Variants in DISP1 observed in about 807,000 individuals in gnomAD.
The protein encoded by DISP1 is protein dispatched homolog 1.
DISP1 carries 30 observed loss-of-function variants against 37.3 expected under a neutral mutation model. The observed-to-expected ratio is 0.80, with a 90% confidence interval of 0.60 to 1.09. DISP1 has a LOEUF of 1.09. DISP1 is among the 50% of genes least tolerant of loss of function. DISP1 has a pLI of 0.00. For synonymous variants in DISP1, 634 were observed against 690.2 expected (o/e 0.92, Z 1.28); for missense variants, 1,598 against 1,879.5 (o/e 0.85, Z 2.77).
At chr1:222,873,331 T>C (rs1427564143) in intron 1 of DISP1, among the ~76,000 whole-genome samples, 1 of 152,220 alleles carries the variant, frequency 6.6e-6, no homozygotes, top group Non-Finnish European at 1.5e-5. Flanking sequence ...GATATCCTTG[T>C]TAACTTTCTG....
intron 4 of DISP1, among the ~76,000 whole-genome samples, 186 bp downstream of exon 4, chr1:222,983,295 A>G (rs764637354): frequency 6.6e-6 from 1 of 152,138 alleles, no homozygotes; most frequent in Admixed American, 6.6e-5. Flanking sequence ...TTTTAATCTT[A>G]AGGTAGATTT....
chr1:222,998,780 A>G lies in DISP1; in HGVS notation c.988-3605A>G, dbSNP rs565696775. On this transcript the variant is annotated intron_variant, in intron 8 of 8. Coordinates refer to ENST00000675850, the MANE Select transcript of DISP1 (RefSeq NM_001377229.1). ...GGACTCAGCTTGTAAAGGGATTTGA[A>G]ATTTGGTGTCAGAGACTGTTTACTA... 1.1e-3 allele frequency among the ~76,000 whole-genome samples: 162 copies of G among 152,112 alleles called. 1 individual carries two copies. The highest frequency in any genetic ancestry group is 2.1e-3 in the Non-Finnish European group (144 of 68,006).
In DISP1 at chr1:222,998,617, C is replaced by A. The variant is rs150120157; in HGVS notation, c.987+3635C>A. On this transcript the variant is annotated intron_variant, in intron 8 of 8. Transcript: ENST00000675850. ...TTGATTCCCCTACTCTTCTTCATTG[C>A]CTCTTTCTGCCCTTTGACATCCTAA... 3.0e-3 allele frequency among the ~76,000 whole-genome samples: 464 copies of A among 152,240 alleles called. 2 individuals carry two copies. Among genetic ancestry groups the A allele is most frequent in the Non-Finnish European group, 5.4e-3 (366 of 68,002 alleles).
At chr1:222,942,259 T>C (rs2609384) in intron 2 of DISP1, among the ~76,000 whole-genome samples, 39,312 of 152,004 alleles carry the variant, frequency 0.26, 5,315 homozygotes, top group South Asian at 0.47. Context: ...GGTTTTAATT[T>C]ATTATTCTCA....
chr1:222,948,612 A>G (rs1674966886), intron 3 of DISP1, among the ~76,000 whole-genome samples: 1 of 152,154 alleles, frequency 6.6e-6, no homozygotes, highest in South Asian at 2.1e-4. Flanking sequence ...AGTTTTCTTT[A>G]TTGTGGTTTA....
At chr1:222,821,789 G>T (rs1662996561) in intron 1 of DISP1, among the ~76,000 whole-genome samples, 1 of 148,542 alleles carries the variant, frequency 6.7e-6, no homozygotes, top group Non-Finnish European at 1.5e-5. Flanking sequence ...TGAGGCAGGA[G>T]AATTGCTTGA....
intron 3 of DISP1, among the ~76,000 whole-genome samples, chr1:222,972,583 T>C (rs1677042149): frequency 6.6e-6 from 1 of 152,162 alleles, no homozygotes. Flanking sequence ...CTGACTTTGC[T>C]TATAGGTATT....
chr1:222,971,663 T>G (rs1466281065), intron 3 of DISP1, among the ~76,000 whole-genome samples: 1 of 152,156 alleles, frequency 6.6e-6, no homozygotes, highest in Non-Finnish European at 1.5e-5. Context: ...TGATTGTATT[T>G]ATACTTTTGA....
intron 1 of DISP1, among the ~76,000 whole-genome samples, chr1:222,817,461 A>T (rs1427628362): frequency 6.6e-6 from 1 of 152,176 alleles, no homozygotes; most frequent in African/African-American, 2.4e-5. Flanking sequence ...CAATTTTCTG[A>T]TTATATAGTA....
intron 1 of DISP1, among the ~76,000 whole-genome samples, chr1:222,907,108 A>T (rs1329991992): frequency 6.6e-6 from 1 of 152,220 alleles, no homozygotes; most frequent in Non-Finnish European, 1.5e-5. Context: ...TTTGCAGAAA[A>T]GGAGAGCCTT....
intron 1 of DISP1, among the ~76,000 whole-genome samples, chr1:222,854,352 C>G (rs1191566289): frequency 6.6e-6 from 1 of 152,098 alleles, no homozygotes; most frequent in Non-Finnish European, 1.5e-5. Context: ...GAAGGCATCT[C>G]TTCAAAGGGT....
chr1:222,822,959 T>A (rs1663322672), intron 1 of DISP1, among the ~76,000 whole-genome samples: 1 of 152,224 alleles, frequency 6.6e-6, no homozygotes, highest in Non-Finnish European at 1.5e-5. Context: ...GCTTCTCTCG[T>A]AACTGTTAGC....
chr1:223,000,383 T>C (rs1366257514), intron 8 of DISP1, among the ~76,000 whole-genome samples: 3 of 152,170 alleles, frequency 2.0e-5, no homozygotes, highest in Non-Finnish European at 4.4e-5. Flanking sequence ...TAAGTTAGCG[T>C]ATGTGAATGT....
In DISP1 at chr1:222,962,120, A is replaced by G. The variant is rs139761239; in HGVS notation, c.509+18788A>G. On this transcript the variant is annotated intron_variant, in intron 3 of 8. Coordinates refer to ENST00000675850, the MANE Select transcript of DISP1 (RefSeq NM_001377229.1). ...ACAAAATCAACGTGCAGAAATCACA[A>G]GCATTCCTTTACACCAACAATAGAC... Among the ~76,000 whole-genome samples the G allele has an allele frequency of 9.1e-3, 1,381 of 152,358 alleles. 9 individuals carry two copies. The highest frequency in any genetic ancestry group is 0.034 in the Middle Eastern group (10 of 294).
chr1:222,883,182 C>G (rs1485971323), intron 1 of DISP1, among the ~76,000 whole-genome samples: 1 of 152,024 alleles, frequency 6.6e-6, no homozygotes, highest in African/African-American at 2.4e-5. Context: ...TAAAAGTGTT[C>G]ATACGCTTTA....
At chr1:222,998,897 G>T (rs961195234) in intron 8 of DISP1, among the ~76,000 whole-genome samples, 2 of 152,134 alleles carry the variant, frequency 1.3e-5, no homozygotes, top group Non-Finnish European at 2.9e-5. Flanking sequence ...GGGCTACAGA[G>T]CCCTTGCTTT....
chr1:222,895,550 C>A (rs1671201516), intron 1 of DISP1, among the ~76,000 whole-genome samples: 1 of 152,176 alleles, frequency 6.6e-6, no homozygotes, highest in Non-Finnish European at 1.5e-5. Context: ...CCAGTTCTGA[C>A]TGTTTATAAC....
Position 222,994,947 on chromosome 1 carries a change from G to A in DISP1, c.952G>A (p.Ala318Thr). The A allele has an allele frequency of 6.2e-7, 1 of 1,612,744 alleles. No homozygotes were observed. Residue 318 changes from alanine (A) to threonine (T), a missense_variant, in exon 8 of 9, where the codon GCA becomes ACA. By Grantham distance (58) the Ala-to-Thr change is moderately conservative. Coordinates refer to ENST00000675850, the MANE Select transcript of DISP1 (RefSeq NM_001377229.1). The part of the protein sequence containing the change: ...SGGETLWNLP[A>T]IKSMCNVDNS... ...AGGGGAGACATTATGGAATTTACCT[G>A]CAATTAAATCAATGTGCAATGTAGA...
At chr1:222,990,852 C>G in intron 5 of DISP1, 104 bp downstream of exon 5, 1 of 1,447,212 alleles carries the variant, frequency 6.9e-7, no homozygotes, top group Non-Finnish European at 9.6e-7. Context: ...CTTTAAAAAC[C>G]TTCTCAAGCA....
Sources: allele counts gnomAD v4.1 joint callset (sites outside exome capture counted in the v4.1 genomes callset), GRCh38; gene constraint gnomAD v4.1.1; transcripts MANE v1.5; gene names NCBI Gene and HGNC (gene_info 2026-07-23, HGNC 2026-07-21).